Variants in FOXP1 observed in about 807,000 individuals in gnomAD.
FOXP1 encodes forkhead box protein P1.
In FOXP1, 15 loss-of-function variants were observed where a neutral mutation model predicts 98.2. The observed-to-expected ratio is 0.15, with a 90% CI of 0.10 to 0.24. FOXP1 has a LOEUF of 0.24. Ranked by LOEUF, FOXP1 falls within the 10% of genes least tolerant of loss-of-function variation. The pLI is 1.00. For missense variants in FOXP1, 633 were observed against 848.5 expected, an observed-to-expected ratio of 0.75 and a Z score of 3.15; for synonymous variants, 371 against 314.5, an observed-to-expected ratio of 1.18 and a Z score of -1.90.
chr3:71,084,850 C>T (rs1434340809), intron 7 of FOXP1, among the ~76,000 whole-genome samples: 4 of 152,122 alleles, frequency 2.6e-5, no homozygotes, highest in South Asian at 4.1e-4. Context: ...CTGTGCAACA[C>T]AGCAAGACCC....
At chr3:71,463,643 C>G (rs530542163) in intron 3 of FOXP1, among the ~76,000 whole-genome samples, 4 of 152,136 alleles carry the variant, frequency 2.6e-5, no homozygotes, top group Non-Finnish European at 5.9e-5. Context: ...CAATTAATGC[C>G]TGTACCATGC....
At position 70,972,025 on chromosome 3, in the gene FOXP1, G is replaced by A. The variant is rs533179992; in HGVS notation, c.1652+530C>T. On this transcript the variant is annotated intron_variant, in intron 18 of 20. Coordinates refer to ENST00000649528, the MANE Select transcript of FOXP1 (RefSeq NM_001349338.3). ...AAGGCTCTTACTGTGCGACAAGCTC[G>A]TCAAAGTTTTCATCGGGGCAGTATT... The A allele has an allele frequency of 2.8e-5, 40 of 1,441,670 alleles. No homozygotes were observed. In the East Asian group the frequency reaches 5.7e-4, roughly 20 times the overall value. The allele number at this position is 1,441,670 out of a possible 1,614,324, so 89.3% of individuals were successfully genotyped here.
chr3:71,052,086 TTTTG>T (rs568793191), intron 9 of FOXP1, among the ~76,000 whole-genome samples: 52 of 152,314 alleles, frequency 3.4e-4, no homozygotes, highest in African/African-American at 1.1e-3. Context: ...GTTCTAACAT[TTTTG>T]TTTGTTTATC....
intron 4 of FOXP1, among the ~76,000 whole-genome samples, chr3:71,305,106 CTCTGAG>C (rs1328005723): frequency 6.6e-6 from 1 of 152,122 alleles, no homozygotes; most frequent in Non-Finnish European, 1.5e-5. Context: ...ACATGAATTT[CTCTGAG>C]TCTGTTTTTA....
At chr3:71,262,100 C>CA (rs2069199336) in intron 5 of FOXP1, among the ~76,000 whole-genome samples, 1 of 150,890 alleles carries the variant, frequency 6.6e-6, no homozygotes, top group Non-Finnish European at 1.5e-5. Flanking sequence ...ACCCTGTCTC[C>CA]ACTAAAAATA....
rs1173739131 is a variant in FOXP1 at position 70,956,570 on chromosome 3, A to G, written c.*2677T>C. 4.4e-6 allele frequency: 1 copy of G among 229,646 alleles called. No individual in the cohort carries two copies. The highest frequency in any genetic ancestry group is 8.6e-6 in the Non-Finnish European group (1 of 115,984). 14.2% of individuals were successfully genotyped at this position (229,646 alleles called of 1,614,324 possible). A position where few individuals can be genotyped will look rare whatever the true frequency, so the allele number is the denominator to read the frequency against. Reference sequence around the variant, plus strand: ...AACAGTTTCTCATGCTGTTATCTTTACTCATGTCTAGCTACACATGCTGAG... The same window carrying G: ...AACAGTTTCTCATGCTGTTATCTTTGCTCATGTCTAGCTACACATGCTGAG... On this transcript the variant is annotated 3_prime_UTR_variant, in exon 21 of 21. Coordinates refer to ENST00000649528, the MANE Select transcript of FOXP1 (RefSeq NM_001349338.3).
chr3:71,243,943 A>G (rs1401909788), intron 5 of FOXP1, among the ~76,000 whole-genome samples: 2 of 152,246 alleles, frequency 1.3e-5, no homozygotes, highest in Non-Finnish European at 2.9e-5. Context: ...GAAATAAGTG[A>G]AGGTGTCCAA....
intron 6 of FOXP1, among the ~76,000 whole-genome samples, chr3:71,176,924 G>A (rs2061975998): frequency 6.6e-6 from 1 of 151,984 alleles, no homozygotes; most frequent in Admixed American, 6.6e-5. Flanking sequence ...TTAGCCGGGT[G>A]TGGTGGTGGG....
chr3:71,486,995 G>A (rs146357457), intron 3 of FOXP1, among the ~76,000 whole-genome samples: 3 of 152,274 alleles, frequency 2.0e-5, no homozygotes, highest in Non-Finnish European at 2.9e-5. Flanking sequence ...CACCCGGCAT[G>A]TATGTGCCTC....
At chr3:71,069,627 G>A (rs1284786322) in intron 7 of FOXP1, among the ~76,000 whole-genome samples, 1 of 152,038 alleles carries the variant, frequency 6.6e-6, no homozygotes, top group African/African-American at 2.4e-5. Flanking sequence ...AGATATCGGG[G>A]GGAAAACATC....
intron 13 of FOXP1, among the ~76,000 whole-genome samples, chr3:70,996,479 C>T (rs2041378693): frequency 6.6e-6 from 1 of 152,204 alleles, no homozygotes; most frequent in Non-Finnish European, 1.5e-5. Context: ...TGAAGGGGAA[C>T]ATCTCCAGCC....
chr3:71,049,403 T>C (rs1158461310), intron 9 of FOXP1, among the ~76,000 whole-genome samples: 2 of 152,210 alleles, frequency 1.3e-5, no homozygotes, highest in African/African-American at 4.8e-5. Context: ...CCAATATTCA[T>C]GAGCAGTCAC....
intron 3 of FOXP1, among the ~76,000 whole-genome samples, chr3:71,424,501 T>A (rs1022051212): frequency 6.6e-6 from 1 of 152,170 alleles, no homozygotes; most frequent in Non-Finnish European, 1.5e-5. Context: ...TTTGTGATAT[T>A]TCCACCACAC....
chr3:71,164,356 C>A (rs1045658452), intron 6 of FOXP1, among the ~76,000 whole-genome samples: 1 of 152,080 alleles, frequency 6.6e-6, no homozygotes, highest in East Asian at 1.9e-4. Context: ...CCCGCCACCA[C>A]GCCCGGAGAA....
At chr3:71,169,783 C>CAAAAAAAAAAAAAAAA (rs34872916) in intron 6 of FOXP1, among the ~76,000 whole-genome samples, 1 of 82,916 alleles carries the variant, frequency 1.2e-5, no homozygotes. Flanking sequence ...AAATTACTGG[C>CAAAAAAAAAAAAAAAA]AAAAAAAAAA....
rs115110372 is a variant in FOXP1, at chr3:71,395,709, G to A, written c.-167-36465C>T. 3.8e-3 allele frequency among the ~76,000 whole-genome samples: 584 copies of A among 152,146 alleles called. 3 individuals are homozygous for A. Among genetic ancestry groups the A allele is most frequent in the African/African-American group, 0.014 (561 of 41,490 alleles). ...TTGTTAACAGTTATATTCCCAGTACGTACAACACTGCCTGGCACACACAAA... is the reference window on the plus strand; with the variant it reads ...TTGTTAACAGTTATATTCCCAGTACATACAACACTGCCTGGCACACACAAA... On this transcript the variant is annotated intron_variant, in intron 3 of 20. Transcript: ENST00000649528.
At chr3:71,460,997 A>G (rs190398243) in intron 3 of FOXP1, among the ~76,000 whole-genome samples, 20 of 152,306 alleles carry the variant, frequency 1.3e-4, no homozygotes, top group African/African-American at 4.6e-4. Flanking sequence ...GTTTTACAAT[A>G]AAGAGATGGG....
chr3:71,454,460 G>A (rs181814992), intron 3 of FOXP1, among the ~76,000 whole-genome samples: 3 of 152,188 alleles, frequency 2.0e-5, no homozygotes, highest in Admixed American at 6.5e-5. Flanking sequence ...CCAAAGAGTC[G>A]CTTTATAATT....
rs1007956827 is a variant in FOXP1 at position 71,534,470 on chromosome 3, G to A, written c.-297-40915C>T. On this transcript the variant is annotated intron_variant, in intron 2 of 20. Coordinates refer to ENST00000649528, the MANE Select transcript of FOXP1 (RefSeq NM_001349338.3). ...TGTGGTCGAAAAAAAATCCACGTAT[G>A]AGTAGACACCCCCAGTTCAAAGGTC... Among the ~76,000 whole-genome samples the A allele has an allele frequency of 2.0e-5, 3 of 152,308 alleles. No homozygotes were observed. The East Asian group carries it at 5.8e-4, about 29-fold the overall frequency.
Sources: allele counts gnomAD v4.1 joint callset (sites outside exome capture counted in the v4.1 genomes callset), GRCh38; gene constraint gnomAD v4.1.1; transcripts MANE v1.5; gene names NCBI Gene and HGNC (gene_info 2026-07-23, HGNC 2026-07-21).